The following ARHGAP29 variants were observed in gnomAD, a reference collection of about 807,000 sequenced individuals.
ARHGAP29 encodes the protein rho GTPase-activating protein 29.
In ARHGAP29, 43 loss-of-function variants were observed where a neutral mutation model predicts 122.6. The ratio of observed to expected loss-of-function variants is 0.35; its 90% CI spans 0.27 to 0.45. The LOEUF (loss-of-function observed/expected upper bound fraction) is 0.45. ARHGAP29 is among the 20% of genes least tolerant of loss of function. ARHGAP29 has a pLI of 1.00. For synonymous variants in ARHGAP29, 506 were observed against 497.1 expected, an observed-to-expected ratio of 1.02 and a Z score of -0.24; for missense variants, 1,303 against 1,477.2, an observed-to-expected ratio of 0.88 and a Z score of 1.93.
intron 2 of ARHGAP29, among the ~76,000 whole-genome samples, chr1:94,222,240 A>G (rs1468580751): frequency 6.6e-6 from 1 of 152,246 alleles, no homozygotes; most frequent in Non-Finnish European, 1.5e-5. Flanking sequence ...GTGTGCAAAT[A>G]CTTTGCTCTC....
intron 5 of ARHGAP29, among the ~76,000 whole-genome samples, chr1:94,208,424 T>G (rs577248696): frequency 1.3e-5 from 2 of 152,154 alleles, no homozygotes; most frequent in Non-Finnish European, 2.9e-5. Context: ...AGAAATATTA[T>G]CCATACATTC....
chr1:94,289,937 A>G, the ARHGAP29 span, among the ~76,000 whole-genome samples: 1 of 152,168 alleles, frequency 6.6e-6, no homozygotes, highest in Admixed American at 6.6e-5. Flanking sequence ...CATCAGGGAT[A>G]TTGGTCTAAA....
Position 94,186,487 on chromosome 1 carries a change from T to TA in ARHGAP29, c.1780+11dup. 1 of 1,597,958 alleles carries TA rather than the reference T, an allele frequency of 6.3e-7. No homozygotes were observed. The highest frequency in any genetic ancestry group is 8.6e-7 in the Non-Finnish European group (1 of 1,165,754). Reference sequence around the variant, plus strand: ...CTGGTTTAGTGGGACTTAATTCAGGTAAATACAATACCAGTTTCTGAAGGG... The same window carrying TA: ...CTGGTTTAGTGGGACTTAATTCAGGTAAAATACAATACCAGTTTCTGAAGGG... On this transcript the variant is annotated intron_variant, in intron 16 of 22. Transcript: ENST00000260526.
At chr1:94,225,459 T>C (rs1652559761) in intron 2 of ARHGAP29, among the ~76,000 whole-genome samples, 1 of 152,126 alleles carries the variant, frequency 6.6e-6, no homozygotes, top group Non-Finnish European at 1.5e-5. Flanking sequence ...CTAGTAATTC[T>C]GTAAGCCATT....
At chr1:94,213,341 G>A (rs563991619) in intron 3 of ARHGAP29, among the ~76,000 whole-genome samples, 8 of 152,194 alleles carry the variant, frequency 5.3e-5, no homozygotes, top group South Asian at 4.1e-4. Flanking sequence ...CACCAGGCCC[G>A]GCCAATTTTT....
Position 94,201,711 on chromosome 1 carries a change from A to C in ARHGAP29, c.1281+9T>G. On this transcript the variant is annotated intron_variant, in intron 12 of 22. Transcript: ENST00000260526. ...TTCTTGCCTTCAAAATACTGAAGAAATTACTTACAGCTTTAAGGGTAAGAT... is the reference window on the plus strand; with the variant it reads ...TTCTTGCCTTCAAAATACTGAAGAACTTACTTACAGCTTTAAGGGTAAGAT... 4 of 1,613,252 alleles carry C rather than the reference A, an allele frequency of 2.5e-6. No individual in the cohort carries two copies. The Middle Eastern group carries it at 6.6e-4, about 266-fold the overall frequency.
chr1:94,303,009 T>TTTA, the ARHGAP29 span: 1 of 164,274 alleles, frequency 6.1e-6, no homozygotes, highest in Non-Finnish European at 1.3e-5. Context: ...ATGATCCACA[T>TTTA]GGCTTCCAAG....
At chr1:94,302,569 A>G in the ARHGAP29 span, 1 of 354,748 alleles carries the variant, frequency 2.8e-6, no homozygotes, top group South Asian at 2.2e-5. Flanking sequence ...ACTGCTACCC[A>G]GAAGACTCTC....
In ARHGAP29 at chr1:94,189,916, T is replaced by G; in HGVS notation, c.1439+10A>C. On this transcript the variant is annotated intron_variant, in intron 13 of 22. Coordinates refer to ENST00000260526, the MANE Select transcript of ARHGAP29 (RefSeq NM_004815.4). ...TTTTGAAATAATTTTGTCTGTACATTAATTCTCACCCATCAACTTTTTCTT... is the reference window on the plus strand; with the variant it reads ...TTTTGAAATAATTTTGTCTGTACATGAATTCTCACCCATCAACTTTTTCTT... 6.2e-7 allele frequency: 1 copy of G among 1,612,072 alleles called. No individual in the cohort carries two copies. The highest frequency in any genetic ancestry group is 1.1e-5 in the South Asian group (1 of 90,898).
At chr1:94,291,935 G>C in the ARHGAP29 span, among the ~76,000 whole-genome samples, 2 of 152,118 alleles carry the variant, frequency 1.3e-5, no homozygotes, top group African/African-American at 4.8e-5. Context: ...GTGTCTTGGG[G>C]TTGCTCTTCT....
At chr1:94,299,889 A>G in the ARHGAP29 span, among the ~76,000 whole-genome samples, 1 of 152,164 alleles carries the variant, frequency 6.6e-6, no homozygotes, top group Non-Finnish European at 1.5e-5. Flanking sequence ...ATGTTGTCAC[A>G]TGTGATCTCT....
At chr1:94,238,005 C>T (rs1653408960), upstream of ARHGAP29, among the ~76,000 whole-genome samples, 1 of 151,856 alleles carries the variant, frequency 6.6e-6, no homozygotes, top group South Asian at 2.1e-4. Context: ...TCTACTCTGC[C>T]CCTCTGCCCT....
At chr1:94,182,811 T>TAAAACAAAACAAAAC (rs55980639) in intron 19 of ARHGAP29, among the ~76,000 whole-genome samples, 269 of 148,880 alleles carry the variant, frequency 1.8e-3, no homozygotes, top group South Asian at 3.2e-3. Flanking sequence ...AACAGGAGAA[T>TAAAACAAAACAAAAC]AAAACAAAAC....
the ARHGAP29 span, among the ~76,000 whole-genome samples, chr1:94,304,917 G>T: frequency 2.6e-5 from 4 of 152,206 alleles, no homozygotes; most frequent in South Asian, 4.1e-4. Context: ...AAGCAAATCT[G>T]CTGGTGAGCC....
intron 2 of ARHGAP29, among the ~76,000 whole-genome samples, chr1:94,229,585 A>C (rs1430052385): frequency 6.6e-6 from 1 of 151,802 alleles, no homozygotes; most frequent in African/African-American, 2.4e-5. Flanking sequence ...TATCAAAAAA[A>C]CAGTTTATCT....
chr1:94,260,866 T>G (rs1654533543), intron 1 of ARHGAP29, among the ~76,000 whole-genome samples: 1 of 152,182 alleles, frequency 6.6e-6, no homozygotes, highest in African/African-American at 2.4e-5. Flanking sequence ...TAACTCAAAC[T>G]GCATTGTGTT....
Position 94,174,108 on chromosome 1 carries a change from G to T in ARHGAP29, c.3547C>A (p.Pro1183Thr), listed in dbSNP as rs745550137. Residue 1183 changes from proline to threonine, a missense_variant, in exon 23 of 23, where the codon CCA becomes ACA. Pro to Thr is a conservative substitution (Grantham distance 38). Coordinates refer to ENST00000260526, the MANE Select transcript of ARHGAP29 (RefSeq NM_004815.4). ...IISIRGNEEK[P>T]ASPSAAVPPG... Reference sequence around the variant, plus strand: ...GGCACTGCTGCTGAGGGTGAAGCTGGCTTCTCCTCATTCCCCCTGATACTG... The same window carrying T: ...GGCACTGCTGCTGAGGGTGAAGCTGTCTTCTCCTCATTCCCCCTGATACTG... 6 of 1,614,180 alleles carry T rather than the reference G, an allele frequency of 3.7e-6. No homozygotes were observed. Among genetic ancestry groups the T allele is most frequent in the Middle Eastern group, 3.3e-4 (2 of 6,062 alleles).
chr1:94,279,775 G>C (rs79024992), upstream of ARHGAP29, among the ~76,000 whole-genome samples: 1,501 of 152,290 alleles, frequency 9.9e-3, 23 homozygotes, highest in African/African-American at 0.033. Flanking sequence ...AACCCCTTTA[G>C]GGGTTTGACT....
chr1:94,208,706 C>A, intron 5 of ARHGAP29, 126 bp downstream of exon 5: 1 of 802,796 alleles, frequency 1.2e-6, no homozygotes, highest in Non-Finnish European at 2.0e-6. Flanking sequence ...ACAATCCGCC[C>A]ACCTCGGCCT....
Sources: gnomAD v4.1 joint callset for allele counts (sites outside exome capture counted in the v4.1 genomes callset) on GRCh38, gnomAD v4.1.1 for gene constraint, MANE v1.5 for transcripts, NCBI Gene and HGNC (gene_info 2026-07-23, HGNC 2026-07-21) for gene names.